Variants in INTS6L observed in about 807,000 individuals in gnomAD.
INTS6L encodes the protein integrator complex subunit 6 like.
In INTS6L, 18 loss-of-function variants were observed where a neutral mutation model predicts 64.7. The ratio of observed to expected loss-of-function variants is 0.28; its 90% CI spans 0.19 to 0.41. INTS6L has a LOEUF of 0.41. INTS6L is among the 10% of genes least tolerant of loss of function. The pLI is 1.00. For synonymous variants in INTS6L, 227 were observed against 235.9 expected, an observed-to-expected ratio of 0.96 and a Z score of 0.34; for missense variants, 533 against 661.0, an observed-to-expected ratio of 0.81 and a Z score of 2.12.
At chrX:135,553,535 G>A (rs1301668251) in intron 8 of INTS6L, among the ~76,000 whole-genome samples, 4 of 102,576 alleles carry the variant, frequency 3.9e-5, no homozygotes, top group Non-Finnish European at 7.9e-5. Context: ...TGTTGCCCAG[G>A]CTGGTCTCAA....
At chrX:135,561,384 G>C (rs1331635378) in intron 9 of INTS6L, among the ~76,000 whole-genome samples, 1 of 112,009 alleles carries the variant, frequency 8.9e-6, no homozygotes, top group Non-Finnish European at 1.9e-5. Flanking sequence ...AATCTCACTT[G>C]GTCATGGCAT....
At chrX:135,563,195 C>A (rs1399071248) in intron 9 of INTS6L, among the ~76,000 whole-genome samples, 1 of 111,183 alleles carries the variant, frequency 9.0e-6, no homozygotes, top group African/African-American at 3.3e-5. Context: ...TTACCACAGT[C>A]TACTCGTTCT....
At chrX:135,569,600 G>T (rs1455975132) in intron 10 of INTS6L, 169 bp downstream of exon 10, 1 of 290,081 alleles carries the variant, frequency 3.4e-6, no homozygotes, top group Admixed American at 6.4e-5. Context: ...GTTTGGAGAT[G>T]TCATGGCGGC....
Position 135,549,799 on chromosome X carries a change from T to C in INTS6L, c.900T>C (p.Pro300=). The change falls in exon 7 of 18, where the codon CCT becomes CCC. Residue 300 remains proline, a synonymous_variant. Coordinates refer to ENST00000639893, the MANE Select transcript of INTS6L (RefSeq NM_001351601.3). ...PESFWPDQNL[P]SLPPRTSHPV... Reference sequence around the variant, plus strand: ...CTTTTTGGCCAGATCAGAATTTACCTTCACTAGTAAGTGTCATAAAATAAA... The same window carrying C: ...CTTTTTGGCCAGATCAGAATTTACCCTCACTAGTAAGTGTCATAAAATAAA... 1 of 1,210,533 alleles carries C rather than the reference T, an allele frequency of 8.3e-7. No individual in the cohort carries two copies. The highest frequency in any genetic ancestry group is 1.1e-6 in the Non-Finnish European group (1 of 894,621).
At chrX:135,539,332 T>G (rs923569370) in intron 2 of INTS6L, among the ~76,000 whole-genome samples, 12 of 112,197 alleles carry the variant, frequency 1.1e-4, no homozygotes, top group African/African-American at 3.9e-4. Flanking sequence ...AGTGGCTGCT[T>G]CTTCTAGCTT....
intron 2 of INTS6L, among the ~76,000 whole-genome samples, chrX:135,542,895 C>T (rs1022010727): frequency 2.7e-5 from 3 of 111,790 alleles, no homozygotes; most frequent in African/African-American, 9.8e-5. Flanking sequence ...AAAGGACCCC[C>T]GCCCACCATT....
intron 2 of INTS6L, among the ~76,000 whole-genome samples, chrX:135,531,691 A>G (rs1556505363): frequency 9.0e-6 from 1 of 111,657 alleles, no homozygotes; most frequent in Non-Finnish European, 1.9e-5. Flanking sequence ...TTTCGAAAAA[A>G]GTTGGTTTTA....
chrX:135,576,193 G>C (rs1341734912), intron 14 of INTS6L, among the ~76,000 whole-genome samples: 1 of 110,303 alleles, frequency 9.1e-6, no homozygotes, highest in Non-Finnish European at 1.9e-5. Flanking sequence ...CAGGCGTGGT[G>C]GTGGGTGCCT....
In INTS6L at chrX:135,580,182, C is replaced by A; in HGVS notation, c.2494+20C>A. 2 of 1,162,017 alleles carry A rather than the reference C, an allele frequency of 1.7e-6. No individual in the cohort carries two copies. The highest frequency in any genetic ancestry group is 1.1e-6 in the Non-Finnish European group (1 of 870,564). The stretch of plus-strand genomic sequence containing the variant: ...GTCGAAGTAAGTAGTGAAAGAACAT[C>A]TATCAATAATGCACCAGGAGGTTTC... On this transcript the variant is annotated intron_variant, in intron 16 of 17. Coordinates refer to ENST00000639893, the MANE Select transcript of INTS6L (RefSeq NM_001351601.3).
chrX:135,537,784 A>G (rs2086095430), intron 2 of INTS6L, among the ~76,000 whole-genome samples: 1 of 112,590 alleles, frequency 8.9e-6, no homozygotes, highest in Non-Finnish European at 1.9e-5. Flanking sequence ...TGCAGGTTCA[A>G]TTCCCAGACC....
intron 13 of INTS6L, among the ~76,000 whole-genome samples, 182 bp from the exon 14 acceptor site, chrX:135,574,902 G>A (rs1039704574): frequency 7.1e-5 from 8 of 112,235 alleles, no homozygotes; most frequent in African/African-American, 2.3e-4. Flanking sequence ...AGTAGTAACG[G>A]TAGACTAAGT....
chrX:135,534,471 C>T lies in INTS6L; in HGVS notation c.190-10952C>T, dbSNP rs912975518. Among the ~76,000 whole-genome samples, 6 of 110,540 alleles carry T rather than the reference C, an allele frequency of 5.4e-5. No homozygotes were observed. In the East Asian group the frequency reaches 1.7e-3, roughly 31 times the overall value. Reference sequence around the variant, plus strand: ...AGACGCAAGTAAACTAGATTTCATACATGTAGTCTTGGTTGGTAGTATCTC... The same window carrying T: ...AGACGCAAGTAAACTAGATTTCATATATGTAGTCTTGGTTGGTAGTATCTC... On this transcript the variant is annotated intron_variant, in intron 2 of 17. Coordinates refer to ENST00000639893, the MANE Select transcript of INTS6L (RefSeq NM_001351601.3).
At chrX:135,577,865 A>G (rs1556531980) in intron 15 of INTS6L, among the ~76,000 whole-genome samples, 3 of 111,661 alleles carry the variant, frequency 2.7e-5, no homozygotes, top group Admixed American at 9.4e-5. Flanking sequence ...ATCACCACCT[A>G]TGCATGCTCT....
chrX:135,556,393 A>G, intron 9 of INTS6L, 93 bp downstream of exon 9: 1 of 828,554 alleles, frequency 1.2e-6, no homozygotes, highest in Non-Finnish European at 1.6e-6. Flanking sequence ...AGATGACGGT[A>G]ACAAATTGAT....
intron 2 of INTS6L, among the ~76,000 whole-genome samples, chrX:135,531,707 T>A (rs1252179534): frequency 8.9e-6 from 1 of 111,761 alleles, no homozygotes; most frequent in Admixed American, 9.5e-5. Context: ...TTTTATCATA[T>A]CACCCTCCCC....
intron 9 of INTS6L, among the ~76,000 whole-genome samples, chrX:135,560,823 G>A (rs1181282469): frequency 9.1e-6 from 1 of 109,785 alleles, no homozygotes; most frequent in Non-Finnish European, 1.9e-5. Context: ...CAGCCTGGGA[G>A]ACAGTGCAAA....
intron 2 of INTS6L, among the ~76,000 whole-genome samples, chrX:135,536,297 AT>A (rs199854493): frequency 6.3e-5 from 7 of 111,116 alleles, no homozygotes; most frequent in Middle Eastern, 4.6e-3. Flanking sequence ...TCATTCAACT[AT>A]TTTTTTTTAT....
At chrX:135,541,735 T>C (rs1556512930) in intron 2 of INTS6L, among the ~76,000 whole-genome samples, 1 of 112,539 alleles carries the variant, frequency 8.9e-6, no homozygotes, top group Non-Finnish European at 1.9e-5. Flanking sequence ...TGGAAGTTAT[T>C]ATCAGGAGTG....
At chrX:135,575,259 G>T (rs2087192939) in intron 14 of INTS6L, 33 bp downstream of exon 14, 2 of 1,172,973 alleles carry the variant, frequency 1.7e-6, no homozygotes. Flanking sequence ...TGCCTAAATT[G>T]GGATATTCTT....
Sources: gnomAD v4.1 joint callset for allele counts (sites outside exome capture counted in the v4.1 genomes callset) on GRCh38, gnomAD v4.1.1 for gene constraint, MANE v1.5 for transcripts, NCBI Gene and HGNC (gene_info 2026-07-23, HGNC 2026-07-21) for gene names.